SLIT3: variants seen among roughly 807,000 people sequenced by gnomAD.
SLIT3 encodes the protein slit homolog 3 protein.
Under a neutral mutation model 184.0 loss-of-function variants are expected in SLIT3, and 68 were observed. The ratio of observed to expected loss-of-function variants is 0.37; its 90% CI spans 0.30 to 0.45. The LOEUF (loss-of-function observed/expected upper bound fraction) is 0.45. Ranked by LOEUF, SLIT3 falls within the 20% of genes least tolerant of loss-of-function variation. SLIT3 has a pLI of 1.00. For missense variants in SLIT3, 1,707 were observed against 2,026.0 expected (o/e 0.84, Z 3.02); for synonymous variants, 831 against 828.6 (o/e 1.00, Z -0.05).
At chr5:168,835,854 T>C (rs892379658) in intron 6 of SLIT3, among the ~76,000 whole-genome samples, 4 of 152,122 alleles carry the variant, frequency 2.6e-5, no homozygotes, top group Non-Finnish European at 4.4e-5. Context: ...TTAGTTTGTG[T>C]AGAGGTCTTG....
intron 4 of SLIT3, among the ~76,000 whole-genome samples, chr5:169,179,748 G>A (rs1252003473): frequency 6.6e-6 from 1 of 152,142 alleles, no homozygotes; most frequent in Non-Finnish European, 1.5e-5. Flanking sequence ...CTTTTGCAGG[G>A]CAATGAGGAG....
intron 1 of SLIT3, among the ~76,000 whole-genome samples, chr5:169,283,375 G>C (rs1767052998): frequency 6.6e-6 from 1 of 152,210 alleles, no homozygotes; most frequent in East Asian, 1.9e-4. Context: ...AAAGTGCTTA[G>C]ATGAAATGGA....
At chr5:168,887,440 A>C (rs1581178965) in intron 4 of SLIT3, among the ~76,000 whole-genome samples, 1 of 152,338 alleles carries the variant, frequency 6.6e-6, no homozygotes, top group South Asian at 2.1e-4. Flanking sequence ...TATGAGCTGT[A>C]TGATCATTCA....
intron 6 of SLIT3, among the ~76,000 whole-genome samples, chr5:168,828,939 T>C (rs1757793074): frequency 6.6e-6 from 1 of 152,208 alleles, no homozygotes; most frequent in Non-Finnish European, 1.5e-5. Flanking sequence ...AGGCCTCTTC[T>C]GGGGCAGGCG....
intron 20 of SLIT3, 113 bp downstream of exon 20, chr5:168,748,189 T>G: frequency 8.1e-7 from 1 of 1,228,440 alleles, no homozygotes; most frequent in Non-Finnish European, 1.1e-6. Context: ...TCAAGTAGGG[T>G]CTCCCCCCGG....
At chr5:169,202,258 A>AATAAG (rs1763924802) in intron 3 of SLIT3, among the ~76,000 whole-genome samples, 1 of 151,970 alleles carries the variant, frequency 6.6e-6, no homozygotes, top group Non-Finnish European at 1.5e-5. Context: ...AATAAAATAA[A>AATAAG]ATAAAAATCT....
intron 12 of SLIT3, among the ~76,000 whole-genome samples, chr5:168,785,175 T>C (rs888200074): frequency 2.0e-5 from 3 of 152,170 alleles, no homozygotes; most frequent in African/African-American, 7.2e-5. Flanking sequence ...CCATAGTACA[T>C]GTGTGTAGAT....
At chr5:168,820,488 T>C (rs1322967605) in intron 7 of SLIT3, among the ~76,000 whole-genome samples, 2 of 152,174 alleles carry the variant, frequency 1.3e-5, no homozygotes, top group African/African-American at 2.4e-5. Context: ...AAATGATTCA[T>C]GGGAAGTGCT....
intron 3 of SLIT3, among the ~76,000 whole-genome samples, chr5:169,203,509 C>T (rs1350919683): frequency 6.6e-6 from 1 of 152,210 alleles, no homozygotes; most frequent in Non-Finnish European, 1.5e-5. Flanking sequence ...GTGACCTCTT[C>T]CCCATGACAT....
chr5:168,859,138 T>C (rs1023340866), intron 5 of SLIT3, among the ~76,000 whole-genome samples: 1 of 152,160 alleles, frequency 6.6e-6, no homozygotes, highest in Admixed American at 6.5e-5. Context: ...CATCCTGACT[T>C]TTCCTTGGGT....
intron 1 of SLIT3, among the ~76,000 whole-genome samples, chr5:169,278,482 C>T (rs1766889230): frequency 6.6e-6 from 1 of 152,174 alleles, no homozygotes; most frequent in Admixed American, 6.5e-5. Flanking sequence ...TCCTATTCTT[C>T]TGAGCACTAA....
At chr5:168,735,659 G>GATACACAC (rs1763411149) in intron 20 of SLIT3, among the ~76,000 whole-genome samples, 3 of 94,778 alleles carry the variant, frequency 3.2e-5, no homozygotes, top group Admixed American at 1.2e-4. Flanking sequence ...TAGACAGATA[G>GATACACAC]ATACACACAC....
chr5:169,072,450 G>T (rs1282969579), intron 4 of SLIT3, among the ~76,000 whole-genome samples: 4 of 152,172 alleles, frequency 2.6e-5, no homozygotes, highest in African/African-American at 9.7e-5. Flanking sequence ...TCTGCACAAA[G>T]GCAACTCTCA....
intron 4 of SLIT3, among the ~76,000 whole-genome samples, chr5:169,182,620 G>A (rs1763203245): frequency 6.6e-6 from 1 of 152,180 alleles, no homozygotes; most frequent in Non-Finnish European, 1.5e-5. Flanking sequence ...CTTTAGAAAT[G>A]TTTCTGTTGA....
At chr5:169,167,511 C>T (rs945553785) in intron 4 of SLIT3, among the ~76,000 whole-genome samples, 20 of 151,986 alleles carry the variant, frequency 1.3e-4, no homozygotes, top group African/African-American at 3.4e-4. Context: ...CTCCTGACCT[C>T]GTGATCCGCT....
At chr5:169,167,597 A>G (rs1481236518) in intron 4 of SLIT3, among the ~76,000 whole-genome samples, 1 of 152,154 alleles carries the variant, frequency 6.6e-6, no homozygotes, top group East Asian at 1.9e-4. Flanking sequence ...TTAAGCAATA[A>G]TTCACCTAAT....
chr5:168,958,225 C>G (rs186802727), intron 4 of SLIT3, among the ~76,000 whole-genome samples: 1 of 152,158 alleles, frequency 6.6e-6, no homozygotes, highest in South Asian at 2.1e-4. Flanking sequence ...AAAGCTATCA[C>G]GGATTCAGAA....
At chr5:169,005,705 C>T (rs951273135) in intron 4 of SLIT3, among the ~76,000 whole-genome samples, 4 of 152,202 alleles carry the variant, frequency 2.6e-5, no homozygotes, top group South Asian at 2.1e-4. Flanking sequence ...CAAATATTTA[C>T]TATGTTCCAG....
intron 4 of SLIT3, among the ~76,000 whole-genome samples, chr5:169,149,765 G>A (rs1325656115): frequency 6.6e-6 from 1 of 152,188 alleles, no homozygotes; most frequent in Non-Finnish European, 1.5e-5. Flanking sequence ...CTTCTCTCCC[G>A]AGTCAGGTGA....
Sources: gnomAD v4.1 joint callset for allele counts (sites outside exome capture counted in the v4.1 genomes callset) on GRCh38, gnomAD v4.1.1 for gene constraint, MANE v1.5 for transcripts, NCBI Gene and HGNC (gene_info 2026-07-23, HGNC 2026-07-21) for gene names.